PTPRH: variants seen among roughly 807,000 people sequenced by gnomAD.
The protein encoded by PTPRH is protein tyrosine phosphatase receptor type H.
In PTPRH, 113 loss-of-function variants were observed where a neutral mutation model predicts 130.2. The observed-to-expected ratio is 0.87, with a 90% CI of 0.75 to 1.01. The LOEUF is 1.01. Among genes scored for constraint, PTPRH ranks in the 50% least tolerant of loss-of-function variants. The pLI is 0.00. For missense variants in PTPRH, 1,430 were observed against 1,425.0 expected (o/e 1.00, Z -0.06); for synonymous variants, 556 against 577.9 (o/e 0.96, Z 0.54).
At chr19:55,205,671 C>T in intron 3 of PTPRH, 79 bp from the exon 4 acceptor site, 3 of 1,577,304 alleles carry the variant, frequency 1.9e-6, no homozygotes, top group Non-Finnish European at 8.6e-7. Context: ...ACCGTTGCAT[C>T]CAGCAGGTAG....
At chr19:55,187,067 C>T (rs1051960823) in intron 14 of PTPRH, among the ~76,000 whole-genome samples, 18 of 147,478 alleles carry the variant, frequency 1.2e-4, no homozygotes, top group African/African-American at 1.5e-4. Context: ...GGTGGGGGGC[C>T]GGGCGCAGTG....
At position 55,203,103 on chromosome 19, in the gene PTPRH, T is replaced by A. The variant is rs921617959; in HGVS notation, c.886+679A>T. 4.0e-5 allele frequency among the ~76,000 whole-genome samples: 6 copies of A among 148,598 alleles called. No homozygotes were observed. The East Asian group carries it at 1.2e-3, about 30-fold the overall frequency. On this transcript the variant is annotated intron_variant, in intron 5 of 19. Coordinates refer to ENST00000376350, the MANE Select transcript of PTPRH (RefSeq NM_002842.5). The stretch of plus-strand genomic sequence containing the variant: ...CAGCACTTTGGGAGGCCAAGGCGGG[T>A]GGATCACAAGGTCAGGAGATCGAGA...
At position 55,184,871 on chromosome 19, in the gene PTPRH, T is replaced by C. The variant is rs532148580; in HGVS notation, c.3062+631A>G. ...GGGAAGCAGTTGATGGGGGAGGCCC[T>C]GCACTCCAGCACAGGGAAGTGTCTC... On this transcript the variant is annotated intron_variant, in intron 18 of 19. Coordinates refer to ENST00000376350, the MANE Select transcript of PTPRH (RefSeq NM_002842.5). 1.7e-3 allele frequency among the ~76,000 whole-genome samples: 259 copies of C among 152,258 alleles called. 3 individuals are homozygous for C. Among genetic ancestry groups the C allele is most frequent in the Middle Eastern group, 6.8e-3 (2 of 294 alleles).
At chr19:55,189,503 G>A (rs902170066) in intron 12 of PTPRH, among the ~76,000 whole-genome samples, 4 of 152,092 alleles carry the variant, frequency 2.6e-5, no homozygotes, top group Non-Finnish European at 1.5e-5. Flanking sequence ...CTGCTCAGTC[G>A]GAGACGCACG....
chr19:55,200,417 G>T lies in PTPRH; in HGVS notation c.1239C>A (p.Tyr413Ter). The T allele has an allele frequency of 6.2e-7, 1 of 1,614,194 alleles. No homozygotes were observed. Among genetic ancestry groups the T allele is most frequent in the Non-Finnish European group, 8.5e-7 (1 of 1,180,046 alleles). ...CTACCCAGTAGGTGTAGTCCTGAGG[G>T]TATGGGCCATCGGGGACTTCCCAGC... ...ALCWEVPDGP[Y>*]PQDYTYWVEY... The change falls in exon 7 of 20, where the codon TAC (tyrosine) becomes TAA (stop). Residue 413 changes from tyrosine (Y) to a stop codon, truncating the protein, a stop_gained. Transcript: ENST00000376350. LOFTEE classifies it high-confidence loss of function.
chr19:55,196,612 GC>G lies in PTPRH; in HGVS notation c.2166del (p.Pro723ArgfsTer16), dbSNP rs1450031736. On this transcript the variant is annotated frameshift_variant, in exon 10 of 20. Transcript: ENST00000376350. LOFTEE classifies it high-confidence loss of function. Reference protein sequence around the residue: ...CGEAVSVLGLGPARSYPATIT... With the variant: ...CGEAVSVLGLXPARSYPATIT... ...ATGGTGGCTGGGTAGGACCGAGCCG[GC>G]CCGAGACCCAACACAGACACAGCCT... 1 of 1,613,788 alleles carries G rather than the reference GC, an allele frequency of 6.2e-7. No individual in the cohort carries two copies. The highest frequency in any genetic ancestry group is 8.5e-7 in the Non-Finnish European group (1 of 1,179,956).
At chr19:55,208,945 T>C (rs138546899) in intron 1 of PTPRH, among the ~76,000 whole-genome samples, 73 of 91,602 alleles carry the variant, frequency 8.0e-4, no homozygotes, top group Middle Eastern at 5.9e-3. Context: ...TCTGGACTCC[T>C]GGGTCTGAGG....
chr19:55,204,516 T>A (rs2086980469), intron 4 of PTPRH, among the ~76,000 whole-genome samples: 1 of 152,172 alleles, frequency 6.6e-6, no homozygotes. Context: ...TGTGTGCACA[T>A]CTCACAGGGG....
chr19:55,182,638 T>G (rs886889218), intron 18 of PTPRH, among the ~76,000 whole-genome samples: 2 of 150,300 alleles, frequency 1.3e-5, no homozygotes, highest in East Asian at 3.9e-4. Context: ...AGAAGTCGGA[T>G]GTACTAGCTC....
rs1317634888 is a variant in PTPRH at position 55,198,712 on chromosome 19, A to G, written c.1621T>C (p.Tyr541His). 1 of 1,613,958 alleles carries G rather than the reference A, an allele frequency of 6.2e-7. No individual in the cohort carries two copies. Residue 541 changes from tyrosine (Y) to histidine (H), a missense_variant, in exon 8 of 20, where the codon TAC becomes CAC. Coordinates refer to ENST00000376350, the MANE Select transcript of PTPRH (RefSeq NM_002842.5). ...TLKELEAGSL[Y>H]HLTVWAERNE... ...CTCTCGGCCCAGACGGTGAGGTGGT[A>G]CAGGCTGCCAGCTTCCAGTTCCTTT...
In PTPRH at chr19:55,205,473, C is replaced by T; in HGVS notation, c.472G>A (p.Gly158Arg). The T allele has an allele frequency of 1.2e-6, 2 of 1,614,214 alleles. No individual in the cohort carries two copies. The highest frequency in any genetic ancestry group is 1.7e-6 in the Non-Finnish European group (2 of 1,180,040). ...CGAGTCCCTGCTCTGCCACCATCTC[C>T]AGTGTACTCAACCCCGTAGGTGGAG... Reference protein sequence around the residue: ...QNSTYGVEYTGDGGRAGTRST... With the variant: ...QNSTYGVEYTRDGGRAGTRST... Residue 158 changes from glycine to arginine, a missense_variant, in exon 4 of 20, where the codon GGA (glycine) becomes AGA (arginine). Gly to Arg is a moderately radical substitution (Grantham distance 125). Coordinates refer to ENST00000376350, the MANE Select transcript of PTPRH (RefSeq NM_002842.5).
chr19:55,209,283 C>T lies in PTPRH; in HGVS notation c.51+100G>A, dbSNP rs1323713708. The T allele has an allele frequency of 9.8e-7, 1 of 1,023,068 alleles. No individual in the cohort carries two copies. The highest frequency in any genetic ancestry group is 1.5e-6 in the Non-Finnish European group (1 of 665,642). The allele number at this position is 1,023,068 out of a possible 1,614,324, so 63.4% of individuals were successfully genotyped here. A position where few individuals can be genotyped will look rare whatever the true frequency, so the allele number is the denominator to read the frequency against. On this transcript the variant is annotated intron_variant, in intron 1 of 19. Transcript: ENST00000376350. This position sits in a 1 kb window ranked among gnomAD's most constrained non-coding sequence, Gnocchi z 4.1. ...TCTTCCTTCTCCAGGGGATCTTCAG[C>T]ACCTACTTCCTCAAGATCGAGGTGC...
At chr19:55,198,940 C>T in intron 7 of PTPRH, 28 bp from the exon 8 acceptor site, 1 of 1,494,060 alleles carries the variant, frequency 6.7e-7, no homozygotes. Context: ...GTCAGGATTT[C>T]CACATCCCCT....
At chr19:55,187,658 G>T (rs371100813) in intron 13 of PTPRH, 55 bp from the exon 14 acceptor site, 1 of 1,380,268 alleles carries the variant, frequency 7.2e-7, no homozygotes, top group Admixed American at 1.7e-5. Flanking sequence ...ACTTTCCCTC[G>T]GGGGTACCCC....
At chr19:55,201,377 TAAAAAAAAGAA>T in intron 6 of PTPRH, among the ~76,000 whole-genome samples, 1 of 151,848 alleles carries the variant, frequency 6.6e-6, no homozygotes, top group East Asian at 1.9e-4. Context: ...ACTCCAGCTC[TAAAAAAAAGAA>T]AAAAATAAGA....
At chr19:55,194,279 G>A (rs1201940671) in intron 10 of PTPRH, 1 of 1,289,410 alleles carries the variant, frequency 7.8e-7, no homozygotes, top group African/African-American at 1.5e-5. Context: ...AGGCCCCCAA[G>A]CTGCAGCTTC....
rs1017527584 is a variant in PTPRH at position 55,181,300 on chromosome 19, G to A, written c.*454C>T. The A allele has an allele frequency of 1.2e-4, 19 of 158,722 alleles. No individual in the cohort carries two copies. The highest frequency in any genetic ancestry group is 2.5e-4 in the Non-Finnish European group (18 of 71,822). 9.8% of individuals were successfully genotyped at this position (158,722 alleles called of 1,614,324 possible). ...ATGGGATAGAAGGAAAAATACATGT[G>A]GATGGTGGGGTGCAGAGAGACCTTG... is the stretch of plus-strand genomic sequence containing the variant. On this transcript the variant is annotated 3_prime_UTR_variant, in exon 20 of 20. Coordinates refer to ENST00000376350, the MANE Select transcript of PTPRH (RefSeq NM_002842.5).
Position 55,181,634 on chromosome 19 carries a change from C to T in PTPRH, c.*120G>A, listed in dbSNP as rs1207099214. The T allele has an allele frequency of 1.4e-6, 2 of 1,391,134 alleles. No individual in the cohort carries two copies. The highest frequency in any genetic ancestry group is 9.9e-7 in the Non-Finnish European group (1 of 1,011,954). 86.2% of individuals were successfully genotyped at this position (1,391,134 alleles called of 1,614,324 possible). On this transcript the variant is annotated 3_prime_UTR_variant, in exon 20 of 20. Transcript: ENST00000376350. ...AAACCAGAGTTTGGGATACCAGCCCCCTCCTCCCACAGCACCCAGGAGTCT... is the reference window on the plus strand; with the variant it reads ...AAACCAGAGTTTGGGATACCAGCCCTCTCCTCCCACAGCACCCAGGAGTCT...
chr19:55,200,203 C>T (rs2122188778), intron 7 of PTPRH, 33 bp downstream of exon 7: 1 of 1,609,834 alleles, frequency 6.2e-7, no homozygotes, highest in East Asian at 2.2e-5. Flanking sequence ...TAACCTCTCA[C>T]CAAAACAGGG....
Sources: gnomAD v4.1 joint callset for allele counts (sites outside exome capture counted in the v4.1 genomes callset) on GRCh38, gnomAD v4.1.1 for gene constraint, Gnocchi (gnomAD v3.1) non-coding constraint, MANE v1.5 for transcripts, NCBI Gene and HGNC (gene_info 2026-07-23, HGNC 2026-07-21) for gene names.